Variants in XXYLT1 observed in about 807,000 individuals in gnomAD.
The protein encoded by XXYLT1 is UDP-xylose:alpha-xyloside alpha-1,3-xylosyltransferase.
XXYLT1 carries 20 observed loss-of-function variants against 28.9 expected under a neutral mutation model. That is an observed-to-expected ratio of 0.69 (90% CI 0.49 to 1.00). The LOEUF (loss-of-function observed/expected upper bound fraction) is 1.00. XXYLT1 is among the 50% of genes least tolerant of loss of function. XXYLT1 has a pLI of 0.00. For missense variants in XXYLT1, 542 were observed against 560.1 expected, an observed-to-expected ratio of 0.97 and a Z score of 0.33; for synonymous variants, 257 against 253.8, an observed-to-expected ratio of 1.01 and a Z score of -0.12.
intron 2 of XXYLT1, among the ~76,000 whole-genome samples, chr3:195,211,426 C>G (rs1489670928): frequency 6.6e-6 from 1 of 152,136 alleles, no homozygotes; most frequent in Non-Finnish European, 1.5e-5. Flanking sequence ...AGTGAGCCAG[C>G]TCTGGCAGAC....
At chr3:195,102,394 T>G (rs1716841256) in intron 3 of XXYLT1, among the ~76,000 whole-genome samples, 1 of 152,202 alleles carries the variant, frequency 6.6e-6, no homozygotes, top group Non-Finnish European at 1.5e-5. Flanking sequence ...ATCCCACACG[T>G]CTGCTACGCT....
At chr3:195,110,239 TGCGTGTGTGGGTGAAGTGTGTGTGG>T (rs1717477885) in intron 3 of XXYLT1, among the ~76,000 whole-genome samples, 1 of 32,934 alleles carries the variant, frequency 3.0e-5, no homozygotes, top group Non-Finnish European at 6.8e-5. Context: ...GTGTGTGGTG[TGCGTGTGTGGGTGAAGTGTGTGTGG>T]GTGTGTGGTG....
chr3:195,145,185 G>C (rs1313707671), intron 3 of XXYLT1, among the ~76,000 whole-genome samples: 1 of 152,246 alleles, frequency 6.6e-6, no homozygotes, highest in Admixed American at 6.5e-5. Context: ...TTTCCATGCA[G>C]AGACTGGGCT....
rs1715139458 is a variant in XXYLT1 at position 195,076,671 on chromosome 3, G to C, written c.786-6560C>G. ...GATCACAGTGCTGGCAGCTGGCTCT[G>C]TCTGGGCTAGGAGGGAGGGTCTGTT... is the stretch of plus-strand genomic sequence containing the variant. On this transcript the variant is annotated intron_variant, in intron 3 of 3. Transcript: ENST00000310380. This position sits in a 1 kb window ranked among gnomAD's most constrained non-coding sequence, Gnocchi z 5.3. Among the ~76,000 whole-genome samples, 1 of 152,060 alleles carries C rather than the reference G, an allele frequency of 6.6e-6. No homozygotes were observed. The highest frequency in any genetic ancestry group is 1.5e-5 in the Non-Finnish European group (1 of 67,972).
rs1019166744 is a variant in XXYLT1, at chr3:195,180,058, T to C, written c.653-23477A>G. ...TGCGGCTGAGTGACGGAGCGCCTGG[T>C]GAGGGACAGAAGAATCTCTGAGCGG... On this transcript the variant is annotated intron_variant, in intron 2 of 3. Transcript: ENST00000310380. This position sits in a 1 kb window ranked among gnomAD's most constrained non-coding sequence, Gnocchi z 5.8. 3.9e-5 allele frequency among the ~76,000 whole-genome samples: 6 copies of C among 151,982 alleles called. No homozygotes were observed. In the East Asian group the frequency reaches 9.7e-4, roughly 24 times the overall value.
At chr3:195,110,241 C>T (rs1214014978) in intron 3 of XXYLT1, among the ~76,000 whole-genome samples, 6 of 1,536 alleles carry the variant, frequency 3.9e-3, no homozygotes, top group Non-Finnish European at 4.9e-3. Flanking sequence ...GTGTGGTGTG[C>T]GTGTGTGGGT....
At chr3:195,166,809 G>A (rs763315738) in intron 2 of XXYLT1, among the ~76,000 whole-genome samples, 23 of 152,132 alleles carry the variant, frequency 1.5e-4, no homozygotes, top group Admixed American at 2.6e-4. Flanking sequence ...AGCCTCCCAA[G>A]TAGCTGGGAT....
chr3:195,203,753 G>A (rs1369974298), intron 2 of XXYLT1, among the ~76,000 whole-genome samples: 1 of 152,156 alleles, frequency 6.6e-6, no homozygotes, highest in African/African-American at 2.4e-5. Context: ...AGTGTGCTGG[G>A]ACTGTCATCC....
intron 2 of XXYLT1, among the ~76,000 whole-genome samples, chr3:195,169,900 T>C (rs1180351282): frequency 6.6e-6 from 1 of 150,616 alleles, no homozygotes; most frequent in Non-Finnish European, 1.5e-5. Context: ...AGTTTTGCTC[T>C]TGTTGCCCAG....
intron 3 of XXYLT1, among the ~76,000 whole-genome samples, chr3:195,134,119 A>G (rs1186754530): frequency 6.6e-6 from 1 of 152,242 alleles, no homozygotes; most frequent in Non-Finnish European, 1.5e-5. Context: ...TTGTGTTTTA[A>G]GCTGAGTGTT....
At chr3:195,117,186 G>C (rs1196252986) in intron 3 of XXYLT1, among the ~76,000 whole-genome samples, 1 of 151,734 alleles carries the variant, frequency 6.6e-6, no homozygotes, top group Non-Finnish European at 1.5e-5. Context: ...ATCTATGCCT[G>C]GGAAATAAAA....
intron 3 of XXYLT1, among the ~76,000 whole-genome samples, chr3:195,086,383 C>T (rs568872947): frequency 1.3e-5 from 2 of 152,298 alleles, no homozygotes; most frequent in African/African-American, 4.8e-5. Context: ...GCGTCTCGGC[C>T]GCTCCCCTAC....
intron 3 of XXYLT1, among the ~76,000 whole-genome samples, chr3:195,140,357 G>A (rs573579697): frequency 6.6e-6 from 1 of 152,318 alleles, no homozygotes; most frequent in South Asian, 2.1e-4. Context: ...CAGCTCCGGA[G>A]GTGGCACGGA....
intron 3 of XXYLT1, among the ~76,000 whole-genome samples, chr3:195,136,882 G>T (rs1411931582): frequency 6.6e-6 from 1 of 152,142 alleles, no homozygotes; most frequent in Admixed American, 6.5e-5. Flanking sequence ...CTTTGTTTTA[G>T]ACCATTTTTA....
At chr3:195,201,545 C>T (rs953925005) in intron 2 of XXYLT1, among the ~76,000 whole-genome samples, 2 of 152,212 alleles carry the variant, frequency 1.3e-5, no homozygotes, top group African/African-American at 4.8e-5. Context: ...TTGATGATCC[C>T]ATTTCCGTCC....
chr3:195,184,403 A>G (rs993509186), intron 2 of XXYLT1, among the ~76,000 whole-genome samples: 1 of 152,242 alleles, frequency 6.6e-6, no homozygotes, highest in Admixed American at 6.5e-5. Context: ...CCTTTAGATC[A>G]TAACAAAGGG....
chr3:195,249,086 C>T (rs781165826), intron 1 of XXYLT1, among the ~76,000 whole-genome samples: 4 of 152,258 alleles, frequency 2.6e-5, no homozygotes, highest in South Asian at 2.1e-4. Flanking sequence ...AACATGCAGA[C>T]GGAATTGTAG....
At chr3:195,225,136 C>T (rs1404035032) in intron 2 of XXYLT1, among the ~76,000 whole-genome samples, 2 of 152,210 alleles carry the variant, frequency 1.3e-5, no homozygotes, top group Admixed American at 1.3e-4. Flanking sequence ...TGTAACCCCA[C>T]AGGATGGGTA....
At chr3:195,230,562 CAA>C (rs1430053609) in intron 1 of XXYLT1, among the ~76,000 whole-genome samples, 3 of 151,904 alleles carry the variant, frequency 2.0e-5, no homozygotes, top group Non-Finnish European at 4.4e-5. Context: ...TTTTATATGG[CAA>C]GAGAGAGAGG....
Sources: allele counts gnomAD v4.1 joint callset (sites outside exome capture counted in the v4.1 genomes callset), GRCh38; gene constraint gnomAD v4.1.1; non-coding constraint Gnocchi (gnomAD v3.1); transcripts MANE v1.5; gene names NCBI Gene and HGNC (gene_info 2026-07-23, HGNC 2026-07-21).